FOXJ3: variants seen among roughly 807,000 people sequenced by gnomAD.
The protein encoded by FOXJ3 is forkhead box J3.
FOXJ3 carries 22 observed loss-of-function variants against 76.1 expected under a neutral mutation model. That is an observed-to-expected ratio of 0.29 (90% CI 0.21 to 0.41). FOXJ3 has a LOEUF of 0.41. Ranked by LOEUF, FOXJ3 falls within the 10% of genes least tolerant of loss-of-function variation. FOXJ3 has a pLI of 1.00. For missense variants in FOXJ3, 613 were observed against 762.1 expected (o/e 0.80, Z 2.30); for synonymous variants, 269 against 261.2 (o/e 1.03, Z -0.29).
In FOXJ3 at chr1:42,188,941, C is replaced by T; in HGVS notation, c.1454-13G>A. On this transcript the variant is annotated splice_polypyrimidine_tract_variant and intron_variant, in intron 10 of 12. Coordinates refer to ENST00000361346, the MANE Select transcript of FOXJ3 (RefSeq NM_014947.5). ...CTCTCCATCAGACCTATGAGGAAAG[C>T]ATTAAAAATATGTTAGCACTGTTAT... 6.5e-7 allele frequency: 1 copy of T among 1,544,162 alleles called. No homozygotes were observed. Among genetic ancestry groups the T allele is most frequent in the Non-Finnish European group, 8.8e-7 (1 of 1,135,998 alleles).
intron 4 of FOXJ3, among the ~76,000 whole-genome samples, chr1:42,259,605 A>T (rs554256600): frequency 1.3e-5 from 2 of 152,116 alleles, no homozygotes; most frequent in African/African-American, 4.8e-5. Context: ...CCTGAATCAG[A>T]CTCTCACTTC....
At chr1:42,315,744 C>CCAA (rs1408163891) in intron 1 of FOXJ3, among the ~76,000 whole-genome samples, 3 of 152,220 alleles carry the variant, frequency 2.0e-5, no homozygotes, top group Admixed American at 6.5e-5. Flanking sequence ...TCAAAGTCCT[C>CCAA]CAAGTCACAA....
At chr1:42,212,309 T>A (rs1015240863) in intron 5 of FOXJ3, among the ~76,000 whole-genome samples, 7 of 151,674 alleles carry the variant, frequency 4.6e-5, no homozygotes, top group African/African-American at 1.7e-4. Context: ...AAGGTGAAAA[T>A]GCAACAGAAA....
At position 42,314,275 on chromosome 1, in the gene FOXJ3, G is replaced by GTTTTCA. The variant is rs200260188; in HGVS notation, c.-17-3171_-17-3166dup. Among the ~76,000 whole-genome samples, 183 of 152,276 alleles carry GTTTTCA rather than the reference G, an allele frequency of 1.2e-3. 5 individuals are homozygous for GTTTTCA. In the East Asian group the frequency reaches 0.029, roughly 24 times the overall value. On this transcript the variant is annotated intron_variant, in intron 1 of 12. Coordinates refer to ENST00000361346, the MANE Select transcript of FOXJ3 (RefSeq NM_014947.5). ...AATCTTTTTATTTTTCTGAGACGGA[G>GTTTTCA]TTTTCACTCTTGCTGCCCAGGCTGG...
intron 5 of FOXJ3, among the ~76,000 whole-genome samples, chr1:42,214,351 T>C (rs1380980131): frequency 6.6e-6 from 1 of 152,160 alleles, no homozygotes; most frequent in African/African-American, 2.4e-5. Flanking sequence ...GTAAAGCCAA[T>C]AGATCCAGGC....
chr1:42,294,762 C>CAAAAAAAAAAAAAAAAAAAAAAAAAAA lies in FOXJ3; in HGVS notation c.45-16091_45-16090insTTTTTTTTTTTTTTTTTTTTTTTTTTT. Among the ~76,000 whole-genome samples, 2 of 105,684 alleles carry CAAAAAAAAAAAAAAAAAAAAAAAAAAA rather than the reference C, an allele frequency of 1.9e-5. 1 individual carries two copies. The highest frequency in any genetic ancestry group is 3.6e-5 in the Non-Finnish European group (2 of 55,132). 69.3% of individuals were successfully genotyped at this position (105,684 alleles called of 152,430 possible). ...GGGCAACAAGAGCGAAACTTGGTCT[C>CAAAAAAAAAAAAAAAAAAAAAAAAAAA]AAAAAAAAAAAAAAAAGACGCCATG... On this transcript the variant is annotated intron_variant, in intron 2 of 12. Coordinates refer to ENST00000361346, the MANE Select transcript of FOXJ3 (RefSeq NM_014947.5).
intron 4 of FOXJ3, among the ~76,000 whole-genome samples, chr1:42,252,516 T>C (rs1273446934): frequency 1.3e-5 from 2 of 152,248 alleles, no homozygotes; most frequent in African/African-American, 4.8e-5. Flanking sequence ...TCTCTCTTTT[T>C]TTCTTTATTT....
chr1:42,303,815 A>T (rs1654302010), intron 2 of FOXJ3, among the ~76,000 whole-genome samples: 1 of 152,152 alleles, frequency 6.6e-6, no homozygotes, highest in Non-Finnish European at 1.5e-5. Flanking sequence ...CCCTCTAATA[A>T]ATGTTAGGTA....
chr1:42,324,158 T>TGTATATATACTGTATATATATA, intron 1 of FOXJ3, among the ~76,000 whole-genome samples: 1 of 11,930 alleles, frequency 8.4e-5, no homozygotes, highest in East Asian at 3.3e-3. Flanking sequence ...ATATATACAC[T>TGTATATATACTGTATATATATA]GTGTATATAT....
intron 2 of FOXJ3, among the ~76,000 whole-genome samples, chr1:42,302,001 T>C (rs1396308428): frequency 1.3e-5 from 2 of 152,172 alleles, no homozygotes; most frequent in East Asian, 1.9e-4. Context: ...GTGTCTATAA[T>C]ATATGTTGCG....
intron 1 of FOXJ3, among the ~76,000 whole-genome samples, chr1:42,332,665 T>C (rs1455892701): frequency 2.0e-5 from 3 of 152,134 alleles, no homozygotes; most frequent in Non-Finnish European, 2.9e-5. Context: ...CTAAACCCTC[T>C]ATCCTTGAAA....
chr1:42,188,455 TTTC>T (rs763580538), intron 11 of FOXJ3, among the ~76,000 whole-genome samples: 2 of 152,226 alleles, frequency 1.3e-5, no homozygotes, highest in Non-Finnish European at 2.9e-5. Flanking sequence ...CTCCAATATA[TTTC>T]TTGTTTGATA....
chr1:42,289,860 A>G (rs556466790), intron 2 of FOXJ3, among the ~76,000 whole-genome samples: 90 of 152,288 alleles, frequency 5.9e-4, no homozygotes, highest in African/African-American at 2.1e-3. Flanking sequence ...CAAGTGCACT[A>G]AGGTTCAAAG....
intron 11 of FOXJ3, among the ~76,000 whole-genome samples, chr1:42,187,459 C>A (rs564962686): frequency 2.6e-5 from 4 of 152,088 alleles, no homozygotes; most frequent in South Asian, 2.1e-4. Context: ...GGACTTAAAG[C>A]AAGTTGGAAA....
intron 2 of FOXJ3, among the ~76,000 whole-genome samples, chr1:42,288,614 T>A (rs534442267): frequency 3.3e-5 from 5 of 152,328 alleles, no homozygotes; most frequent in African/African-American, 1.2e-4. Context: ...TGTTTATGGA[T>A]CAGCAGTTCT....
rs533740022 is a variant in FOXJ3, at chr1:42,199,841, G to T, written c.631-611C>A. On this transcript the variant is annotated intron_variant, in intron 6 of 12. Transcript: ENST00000361346. ...AGGATTCCTGAAGACTTTTACATTT[G>T]TGTATATTTTTACAGTGCTTGAGTT... Among the ~76,000 whole-genome samples the T allele has an allele frequency of 4.0e-5, 6 of 151,556 alleles. No individual in the cohort carries two copies. The South Asian group carries it at 1.3e-3, about 32-fold the overall frequency.
At chr1:42,309,001 CAAAAAA>C (rs59583552) in intron 2 of FOXJ3, among the ~76,000 whole-genome samples, 5 of 103,848 alleles carry the variant, frequency 4.8e-5, no homozygotes, top group African/African-American at 1.5e-4. Flanking sequence ...AGTCGTTTTA[CAAAAAA>C]AAAAAAAAAA....
intron 4 of FOXJ3, among the ~76,000 whole-genome samples, chr1:42,247,952 CA>C (rs1483894928): frequency 6.6e-6 from 1 of 152,086 alleles, no homozygotes; most frequent in African/African-American, 2.4e-5. Context: ...TTACATGCTA[CA>C]ATATGGATGA....
chr1:42,333,494 G>A (rs1656280066), intron 1 of FOXJ3, among the ~76,000 whole-genome samples: 1 of 152,036 alleles, frequency 6.6e-6, no homozygotes, highest in African/African-American at 2.4e-5. Context: ...TCAATTCTGA[G>A]ACACAAAAGC....
Sources: gnomAD v4.1 joint callset for allele counts (sites outside exome capture counted in the v4.1 genomes callset) on GRCh38, gnomAD v4.1.1 for gene constraint, MANE v1.5 for transcripts, NCBI Gene and HGNC (gene_info 2026-07-23, HGNC 2026-07-21) for gene names.